The following XRCC4 variants were observed in gnomAD, a reference collection of about 807,000 sequenced individuals.
XRCC4 encodes X-ray repair cross complementing 4.
Under a neutral mutation model 39.1 loss-of-function variants are expected in XRCC4, and 28 were observed. The ratio of observed to expected loss-of-function variants is 0.72; its 90% CI spans 0.53 to 0.98. XRCC4 has a LOEUF of 0.98. Among genes scored for constraint, XRCC4 ranks in the 50% least tolerant of loss-of-function variants. The probability of loss-of-function intolerance (pLI) is 0.00; values close to 1 mark genes in which losing one functional copy is unlikely to be tolerated. For missense variants in XRCC4, 350 were observed against 376.4 expected (o/e 0.93, Z 0.58); for synonymous variants, 123 against 126.4 (o/e 0.97, Z 0.18).
At chr5:83,078,300 G>A (rs10474080) in intron 1 of XRCC4, among the ~76,000 whole-genome samples, 47,747 of 152,174 alleles carry the variant, frequency 0.31, 8,830 homozygotes, top group Non-Finnish European at 0.42. Flanking sequence ...GCTTTGACAT[G>A]TTTGAATTTG....
chr5:83,335,251 A>G (rs1358799405), intron 7 of XRCC4, among the ~76,000 whole-genome samples: 17 of 151,850 alleles, frequency 1.1e-4, no homozygotes, highest in Admixed American at 1.1e-3. Flanking sequence ...CCTTAAATAT[A>G]TGGTGGCCTG....
chr5:83,261,054 T>C (rs561128858), intron 7 of XRCC4, among the ~76,000 whole-genome samples: 1 of 152,150 alleles, frequency 6.6e-6, no homozygotes, highest in East Asian at 1.9e-4. Flanking sequence ...TTTCTTATTT[T>C]TTTATACTAT....
intron 3 of XRCC4, among the ~76,000 whole-genome samples, chr5:83,115,904 T>C (rs1227928710): frequency 6.6e-6 from 1 of 152,210 alleles, no homozygotes; most frequent in Non-Finnish European, 1.5e-5. Flanking sequence ...AGGAGGAGTT[T>C]ATTCATGGCT....
intron 3 of XRCC4, among the ~76,000 whole-genome samples, chr5:83,150,039 G>A (rs1748632568): frequency 6.6e-6 from 1 of 152,084 alleles, no homozygotes; most frequent in Non-Finnish European, 1.5e-5. Context: ...AAAGCAGGAA[G>A]AACATCCTTT....
intron 7 of XRCC4, among the ~76,000 whole-genome samples, chr5:83,263,313 A>G (rs1475389817): frequency 6.6e-6 from 1 of 151,862 alleles, no homozygotes; most frequent in African/African-American, 2.4e-5. Flanking sequence ...ATACATGTGC[A>G]TGTGTCTTTA....
intron 3 of XRCC4, among the ~76,000 whole-genome samples, chr5:83,136,040 AAC>A (rs1422386966): frequency 6.6e-6 from 1 of 152,194 alleles, no homozygotes; most frequent in Non-Finnish European, 1.5e-5. Flanking sequence ...GTTATTTAGA[AAC>A]AGTTATACTT....
intron 4 of XRCC4, among the ~76,000 whole-genome samples, chr5:83,200,112 T>C (rs1217597515): frequency 6.6e-6 from 1 of 152,204 alleles, no homozygotes; most frequent in Non-Finnish European, 1.5e-5. Context: ...ATGGAATGCA[T>C]AGTAACATCA....
At chr5:83,372,191 T>A in the XRCC4 span, among the ~76,000 whole-genome samples, 4 of 152,108 alleles carry the variant, frequency 2.6e-5, no homozygotes, top group African/African-American at 4.8e-5. Flanking sequence ...AAAAAAAAAA[T>A]TATTAAATAC....
intron 7 of XRCC4, among the ~76,000 whole-genome samples, chr5:83,332,209 T>C (rs1278680420): frequency 6.7e-6 from 1 of 149,166 alleles, no homozygotes; most frequent in African/African-American, 2.5e-5. Flanking sequence ...TTCTTGAATA[T>C]GAACATTTCA....
At chr5:83,170,094 A>G (rs1468568602) in intron 3 of XRCC4, among the ~76,000 whole-genome samples, 1 of 152,162 alleles carries the variant, frequency 6.6e-6, no homozygotes, top group Non-Finnish European at 1.5e-5. Flanking sequence ...GATTGCTAGA[A>G]TACCTTATGA....
intron 7 of XRCC4, among the ~76,000 whole-genome samples, chr5:83,331,100 A>G (rs3777018): frequency 0.083 from 12,660 of 152,058 alleles, 1,137 homozygotes; most frequent in East Asian, 0.48. Context: ...TAGTTTAACC[A>G]AAGTTCTCAA....
At chr5:83,105,131 C>A in intron 2 of XRCC4, 73 bp downstream of exon 2, 1 of 1,423,590 alleles carries the variant, frequency 7.0e-7, no homozygotes, top group Non-Finnish European at 9.5e-7. Context: ...GATACTTTTC[C>A]ATTAGATATT....
chr5:83,111,911 G>T (rs1402888899), intron 3 of XRCC4, among the ~76,000 whole-genome samples: 1 of 152,022 alleles, frequency 6.6e-6, no homozygotes, highest in Non-Finnish European at 1.5e-5. Context: ...CTGAAGGAGA[G>T]GGAAGGAAAT....
At chr5:83,286,954 G>A (rs936781806) in intron 7 of XRCC4, among the ~76,000 whole-genome samples, 2 of 151,970 alleles carry the variant, frequency 1.3e-5, no homozygotes, top group Non-Finnish European at 2.9e-5. Flanking sequence ...GTGACCTTTT[G>A]GACAAATAAT....
chr5:83,316,269 C>T lies in XRCC4; in HGVS notation c.894-36862C>T, dbSNP rs576047953. Among the ~76,000 whole-genome samples, 4 of 152,194 alleles carry T rather than the reference C, an allele frequency of 2.6e-5. No homozygotes were observed. The South Asian group carries it at 8.3e-4, about 32-fold the overall frequency. On this transcript the variant is annotated intron_variant, in intron 7 of 7. Coordinates refer to ENST00000396027, the MANE Select transcript of XRCC4 (RefSeq NM_003401.5). The stretch of plus-strand genomic sequence containing the variant: ...GAAGGTGGCTTCTTGAAATAAAAAC[C>T]ACTCCTAGGAAGAAACTGCATCAAC...
At chr5:83,293,664 T>C (rs28360280) in intron 7 of XRCC4, among the ~76,000 whole-genome samples, 7,287 of 152,010 alleles carry the variant, frequency 0.048, 244 homozygotes, top group South Asian at 0.16. Flanking sequence ...CCCTCCATTA[T>C]CAGTTTGTAA....
At chr5:83,198,617 A>C (rs1751048282) in intron 4 of XRCC4, among the ~76,000 whole-genome samples, 1 of 152,152 alleles carries the variant, frequency 6.6e-6, no homozygotes, top group Non-Finnish European at 1.5e-5. Context: ...TATATGTTTT[A>C]GTATTTAAAT....
At chr5:83,302,710 AG>A (rs2112050388) in intron 7 of XRCC4, among the ~76,000 whole-genome samples, 1 of 152,336 alleles carries the variant, frequency 6.6e-6, no homozygotes, top group East Asian at 1.9e-4. Flanking sequence ...ACAGCTCATT[AG>A]GGTTCTTGGG....
At chr5:83,358,977 GA>G in the XRCC4 span, among the ~76,000 whole-genome samples, 1 of 151,680 alleles carries the variant, frequency 6.6e-6, no homozygotes, top group Non-Finnish European at 1.5e-5. Flanking sequence ...ATCTTCCAAG[GA>G]ACCTTTTGAA....
Sources: allele counts gnomAD v4.1 joint callset (sites outside exome capture counted in the v4.1 genomes callset), GRCh38; gene constraint gnomAD v4.1.1; transcripts MANE v1.5; gene names NCBI Gene and HGNC (gene_info 2026-07-23, HGNC 2026-07-21).